The following CSMD2 variants were observed in gnomAD, a reference collection of about 807,000 sequenced individuals.
The protein encoded by CSMD2 is CUB and Sushi multiple domains 2.
CSMD2 carries 130 observed loss-of-function variants against 398.5 expected under a neutral mutation model. That is an observed-to-expected ratio of 0.33 (90% CI 0.28 to 0.38). CSMD2 has a LOEUF of 0.38. CSMD2 is among the 10% of genes least tolerant of loss of function. CSMD2 has a pLI of 1.00. For missense variants in CSMD2, 3,829 were observed against 4,764.9 expected, an observed-to-expected ratio of 0.80 and a Z score of 5.78; for synonymous variants, 1,828 against 1,908.5, an observed-to-expected ratio of 0.96 and a Z score of 1.10.
At chr1:33,990,034 G>T (rs914445134) in intron 3 of CSMD2, among the ~76,000 whole-genome samples, 1 of 152,014 alleles carries the variant, frequency 6.6e-6, no homozygotes, top group Non-Finnish European at 1.5e-5. Context: ...ACTTTGGGAG[G>T]CTGAGGCTGG....
chr1:33,538,360 T>C (rs1217003397), intron 60 of CSMD2, among the ~76,000 whole-genome samples: 3 of 152,196 alleles, frequency 2.0e-5, no homozygotes, highest in East Asian at 1.9e-4. Flanking sequence ...CCCATTTCAT[T>C]CAGGCCATGT....
At chr1:33,864,042 A>G in intron 5 of CSMD2, 1 of 696,122 alleles carries the variant, frequency 1.4e-6, no homozygotes, top group Admixed American at 2.7e-5. Flanking sequence ...CAATGCCATC[A>G]GCACTGAAAA....
In CSMD2 at chr1:33,950,225, C is replaced by G. The variant is rs549972022; in HGVS notation, c.518-14271G>C. On this transcript the variant is annotated intron_variant, in intron 3 of 70. Transcript: ENST00000373381. ...CTCTAAACAACTAGTAGGATCATGG[C>G]TCTTCCCTCCTAAAAGCGCTTCAGT... 2.0e-4 allele frequency among the ~76,000 whole-genome samples: 30 copies of G among 152,252 alleles called. 1 individual carries two copies. The South Asian group carries it at 6.2e-3, about 32-fold the overall frequency.
chr1:33,586,427 T>C, intron 46 of CSMD2, 77 bp downstream of exon 46: 1 of 931,568 alleles, frequency 1.1e-6, no homozygotes, highest in Non-Finnish European at 1.7e-6. Context: ...GAACTGGGAA[T>C]AGAAAGAGGA....
chr1:34,030,522 A>G (rs112051944), intron 3 of CSMD2, among the ~76,000 whole-genome samples: 6 of 152,304 alleles, frequency 3.9e-5, no homozygotes, highest in African/African-American at 1.2e-4. Context: ...CTAGAAAAAG[A>G]TATACCCACC....
intron 5 of CSMD2, chr1:33,861,100 C>A (rs573924084): frequency 6.6e-6 from 1 of 152,102 alleles, no homozygotes; most frequent in Non-Finnish European, 1.5e-5. Flanking sequence ...GAATGAGGTA[C>A]ATAAAGTGCT....
chr1:33,588,867 T>A (rs749126472), intron 44 of CSMD2, among the ~76,000 whole-genome samples: 4 of 151,926 alleles, frequency 2.6e-5, no homozygotes, highest in African/African-American at 7.3e-5. Context: ...CAGCATGGAG[T>A]GACACCTCAG....
chr1:33,793,461 C>T (rs1190754880), intron 10 of CSMD2, among the ~76,000 whole-genome samples: 1 of 152,124 alleles, frequency 6.6e-6, no homozygotes, highest in Non-Finnish European at 1.5e-5. Flanking sequence ...CTGCTAGCTG[C>T]CTGGCTCTCG....
intron 25 of CSMD2, among the ~76,000 whole-genome samples, chr1:33,673,046 T>C (rs1644569382): frequency 6.6e-6 from 1 of 152,162 alleles, no homozygotes; most frequent in South Asian, 2.1e-4. Flanking sequence ...GCTCTAAAAA[T>C]CAGAGTGCCT....
intron 49 of CSMD2, 22 bp from the exon 50 acceptor site, chr1:33,572,713 C>T: frequency 3.2e-6 from 5 of 1,578,096 alleles, no homozygotes; most frequent in Non-Finnish European, 4.3e-6. Flanking sequence ...AAAACAATGT[C>T]ATGAGCATTT....
chr1:33,692,516 G>A (rs1165949682), intron 25 of CSMD2, among the ~76,000 whole-genome samples: 1 of 152,156 alleles, frequency 6.6e-6, no homozygotes, highest in African/African-American at 2.4e-5. Flanking sequence ...ATACTATACT[G>A]AGCATATTAC....
At chr1:33,643,338 CATT>C (rs1007362509) in intron 29 of CSMD2, among the ~76,000 whole-genome samples, 7 of 152,216 alleles carry the variant, frequency 4.6e-5, no homozygotes, top group African/African-American at 1.4e-4. Flanking sequence ...ATGTGCAAAA[CATT>C]ATGCTCACAC....
At chr1:33,715,494 G>C (rs1444971980) in intron 20 of CSMD2, among the ~76,000 whole-genome samples, 1 of 152,072 alleles carries the variant, frequency 6.6e-6, no homozygotes, top group African/African-American at 2.4e-5. Flanking sequence ...GAGAAAGAGG[G>C]TCTCTCTCAT....
At chr1:33,848,198 T>G (rs1638423539) in intron 5 of CSMD2, among the ~76,000 whole-genome samples, 1 of 152,194 alleles carries the variant, frequency 6.6e-6, no homozygotes, top group Non-Finnish European at 1.5e-5. Context: ...GGAGGGGCAG[T>G]ATCCTGGGGC....
chr1:33,523,689 AT>A (rs1347669906), intron 66 of CSMD2, among the ~76,000 whole-genome samples: 2 of 152,242 alleles, frequency 1.3e-5, no homozygotes, highest in African/African-American at 4.8e-5. Flanking sequence ...TGACACAGGC[AT>A]GTGTGAGAAT....
intron 12 of CSMD2, among the ~76,000 whole-genome samples, chr1:33,778,508 A>T (rs867959044): frequency 6.8e-5 from 10 of 146,580 alleles, no homozygotes; most frequent in African/African-American, 2.0e-4. Flanking sequence ...CCTCACTCCC[A>T]CCCCCTAGAA....
At chr1:33,675,793 A>G (rs1180257599) in intron 25 of CSMD2, among the ~76,000 whole-genome samples, 4 of 152,316 alleles carry the variant, frequency 2.6e-5, no homozygotes, top group South Asian at 4.1e-4. Flanking sequence ...GGGATGCAAG[A>G]CTGGTTCAAC....
intron 2 of CSMD2, among the ~76,000 whole-genome samples, chr1:34,060,064 C>A (rs1423487129): frequency 3.3e-5 from 5 of 152,130 alleles, no homozygotes; most frequent in African/African-American, 9.7e-5. Flanking sequence ...AAGAAGAATG[C>A]CAGGAAGGCA....
chr1:33,721,068 A>G (rs563341570), intron 19 of CSMD2, among the ~76,000 whole-genome samples: 2 of 152,198 alleles, frequency 1.3e-5, no homozygotes, highest in Non-Finnish European at 2.9e-5. Flanking sequence ...CTAAGGAAGA[A>G]GTGATCTGGT....
Sources: gnomAD v4.1 joint callset for allele counts (sites outside exome capture counted in the v4.1 genomes callset) on GRCh38, gnomAD v4.1.1 for gene constraint, MANE v1.5 for transcripts, NCBI Gene and HGNC (gene_info 2026-07-23, HGNC 2026-07-21) for gene names.